Variants in SACS observed in about 807,000 individuals in gnomAD.
SACS encodes sacsin.
A neutral mutation model predicts 348.0 loss-of-function variants in SACS; 197 were observed. The ratio of observed to expected loss-of-function variants is 0.57; its 90% confidence interval spans 0.50 to 0.64. SACS has a LOEUF of 0.64. Ranked by LOEUF, SACS falls within the 30% of genes least tolerant of loss-of-function variation. The pLI, the probability that SACS is intolerant of heterozygous loss-of-function variation, is 0.00. For synonymous variants in SACS, 1,985 were observed against 1,910.6 expected, an observed-to-expected ratio of 1.04 and a Z score of -1.02; for missense variants, 4,999 against 5,360.8, an observed-to-expected ratio of 0.93 and a Z score of 2.11.
intron 1 of SACS, among the ~76,000 whole-genome samples, chr13:23,431,352 G>C (rs1217150392): frequency 2.0e-5 from 3 of 152,182 alleles, no homozygotes; most frequent in South Asian, 2.1e-4. Flanking sequence ...TCCCAACTTC[G>C]CTATGTTCCC....
chr13:23,390,619 A>T (rs1593168961), intron 2 of SACS, among the ~76,000 whole-genome samples: 1 of 152,344 alleles, frequency 6.6e-6, no homozygotes, highest in East Asian at 1.9e-4. Context: ...CCATGATCAT[A>T]CCACCACACT....
rs1476159654 is a variant in SACS at position 23,371,208 on chromosome 13, T to C, written c.172-43A>G. Reference sequence around the variant, plus strand: ...AAAATGTATGAAAAGCAATACAGTCTCTAATACTGTAAATTCAAGACATTA... The same window carrying C: ...AAAATGTATGAAAAGCAATACAGTCCCTAATACTGTAAATTCAAGACATTA... On this transcript the variant is annotated intron_variant, in intron 3 of 9. Coordinates refer to ENST00000382292, the MANE Select transcript of SACS (RefSeq NM_014363.6). 4 of 1,201,810 alleles carry C rather than the reference T, an allele frequency of 3.3e-6. No individual in the cohort carries two copies. The Admixed American group carries it at 6.1e-5, about 18-fold the overall frequency. 74.4% of individuals were successfully genotyped at this position (1,201,810 alleles called of 1,614,324 possible). A position where few individuals can be genotyped will look rare whatever the true frequency, so the allele number is the denominator to read the frequency against.
rs754197452 is a variant in SACS, at chr13:23,332,959, C to G, written c.10917G>C (p.Leu3639Phe). The G allele has an allele frequency of 6.2e-7, 1 of 1,613,882 alleles. No homozygotes were observed. ...GTTCTTTCAGAAAATTTCCAGATAACAAATCCATTCGTTCTTGGAATATAT... is the reference window on the plus strand; with the variant it reads ...GTTCTTTCAGAAAATTTCCAGATAAGAAATCCATTCGTTCTTGGAATATAT... Reference protein sequence around the residue: ...LHHIFQERMDLLSGNFLKELS... With the variant: ...LHHIFQERMDFLSGNFLKELS... The change falls in exon 10 of 10, where the codon TTG becomes TTC. Residue 3639 changes from leucine (L) to phenylalanine (F), a missense_variant. Physicochemically the swap from Leu to Phe is conservative, Grantham distance 22. Coordinates refer to ENST00000382292, the MANE Select transcript of SACS (RefSeq NM_014363.6).
chr13:23,384,504 G>A (rs1872192248), intron 2 of SACS, among the ~76,000 whole-genome samples: 1 of 152,156 alleles, frequency 6.6e-6, no homozygotes, highest in African/African-American at 2.4e-5. Context: ...TTTCTGTTTT[G>A]TGTTCATTTC....
At position 23,337,264 on chromosome 13, in the gene SACS, C is replaced by G; in HGVS notation, c.6612G>C (p.Lys2204Asn). 1.2e-6 allele frequency: 2 copies of G among 1,613,752 alleles called. No individual in the cohort carries two copies. Among genetic ancestry groups the G allele is most frequent in the Non-Finnish European group, 1.7e-6 (2 of 1,179,860 alleles). The change falls in exon 10 of 10, where the codon AAG becomes AAC. Residue 2204 changes from lysine (K) to asparagine (N), a missense_variant. Lys to Asn is a moderately conservative substitution (Grantham distance 94). Coordinates refer to ENST00000382292, the MANE Select transcript of SACS (RefSeq NM_014363.6). ...TTGTTTGATATTTTGCAGCAAAATC[C>G]TTTGCTCTAGGATCCCTTATTTTTA... is the stretch of plus-strand genomic sequence containing the variant. ...EKLKIRDPRA[K>N]DFAAKYQTIR... is the part of the protein sequence containing the mutation.
chr13:23,338,864 G>A lies in SACS; in HGVS notation c.5012C>T (p.Ser1671Phe), dbSNP rs765011393. The change falls in exon 10 of 10, where the codon TCT (serine) becomes TTT (phenylalanine). Residue 1671 changes from serine (S) to phenylalanine (F), a missense_variant. Ser to Phe is a radical substitution (Grantham distance 155). Coordinates refer to ENST00000382292, the MANE Select transcript of SACS (RefSeq NM_014363.6). ...STCYNTADIY[S>F]LVDEFSLCGH... is the part of the protein sequence containing the mutation. The stretch of plus-strand genomic sequence containing the variant: ...ACAGAGACTAAATTCATCCACAAGA[G>A]AATAAATATCTGCTGTATTGTAGCA... The A allele has an allele frequency of 7.4e-6, 12 of 1,612,902 alleles. No homozygotes were observed. The highest frequency in any genetic ancestry group is 1.7e-5 in the Admixed American group (1 of 59,934).
chr13:23,363,567 T>C (rs1157995379), intron 6 of SACS, among the ~76,000 whole-genome samples: 1 of 152,224 alleles, frequency 6.6e-6, no homozygotes, highest in African/African-American at 2.4e-5. Flanking sequence ...AGCCTATCTC[T>C]AAATATACCT....
At chr13:23,397,516 T>C (rs1321810475) in intron 2 of SACS, among the ~76,000 whole-genome samples, 1 of 152,208 alleles carries the variant, frequency 6.6e-6, no homozygotes, top group Non-Finnish European at 1.5e-5. Flanking sequence ...GATCTGCTCT[T>C]AGTAACATAT....
chr13:23,404,659 C>T (rs929380688), intron 2 of SACS, among the ~76,000 whole-genome samples: 2 of 152,090 alleles, frequency 1.3e-5, no homozygotes, highest in African/African-American at 2.4e-5. Context: ...GACATGATTG[C>T]ATATTTAGAA....
chr13:23,431,079 A>G (rs758855795), intron 1 of SACS, among the ~76,000 whole-genome samples: 2 of 152,222 alleles, frequency 1.3e-5, no homozygotes, highest in Admixed American at 6.5e-5. Context: ...GCATTTTGTA[A>G]TCTGCAAAAT....
rs768059465 is a variant in SACS, at chr13:23,357,826, A to G, written c.604+509T>C. Among the ~76,000 whole-genome samples the G allele has an allele frequency of 3.3e-5, 5 of 152,242 alleles. 1 individual carries two copies. The highest frequency in any genetic ancestry group is 4.1e-4 in the South Asian group (2 of 4,836). On this transcript the variant is annotated intron_variant, in intron 7 of 9. Transcript: ENST00000382292. ...TTTCAAAGTAATCTTTAGAATGCTT[A>G]TAAGTCTAAAAAGAGTAGAATGAGG... is the stretch of plus-strand genomic sequence containing the variant.
intron 2 of SACS, among the ~76,000 whole-genome samples, chr13:23,377,157 A>G (rs1871846544): frequency 6.6e-6 from 1 of 152,158 alleles, no homozygotes; most frequent in South Asian, 2.1e-4. Flanking sequence ...GGCAGTGCTA[A>G]TGGGTGTGGG....
chr13:23,419,943 T>A (rs888381312), intron 1 of SACS, among the ~76,000 whole-genome samples: 2 of 152,188 alleles, frequency 1.3e-5, no homozygotes, highest in African/African-American at 4.8e-5. Flanking sequence ...TGGAACCTGA[T>A]GTCACTCTGG....
In SACS at chr13:23,339,406, T is replaced by A; in HGVS notation, c.4470A>T (p.Ala1490=). The A allele has an allele frequency of 2.5e-6, 4 of 1,611,334 alleles. No individual in the cohort carries two copies. Among genetic ancestry groups the A allele is most frequent in the Non-Finnish European group, 3.4e-6 (4 of 1,179,008 alleles). The part of the protein sequence containing the change: ...ELLQNADDAN[A]TECSFLIDMR... ...TATCAATCAAGAAACTGCATTCTGT[T>A]GCATTTGCATCATCAGCGTTTTGAA... Residue 1490 remains alanine (A), a synonymous_variant, in exon 10 of 10, where the codon GCA becomes GCT. Transcript: ENST00000382292.
Position 23,355,405 on chromosome 13 carries a change from T to C in SACS, c.1207A>G (p.Ile403Val), listed in dbSNP as rs1870296996. Residue 403 changes from isoleucine to valine, a missense_variant, in exon 8 of 10, where the codon ATC becomes GTC. By Grantham distance (29) the Ile-to-Val change is conservative. Around this residue, in one of 6 missense-constraint regions of SACS, gnomAD observed 3,156 missense variants for 3,380.1 expected, o/e 0.93. Transcript: ENST00000382292. ...GCTAAAGAGTCAAGCTTACTACTGA[T>C]CCCTCGCCCACCCACACTGTTACAC... ...LVCNSVGGRGISSKLDSLADE... is the reference protein window; with the variant it reads ...LVCNSVGGRGVSSKLDSLADE... 2 of 1,614,032 alleles carry C rather than the reference T, an allele frequency of 1.2e-6. No individual in the cohort carries two copies. Among genetic ancestry groups the C allele is most frequent in the Admixed American group, 1.7e-5 (1 of 60,000 alleles).
rs77886100 is a variant in SACS, at chr13:23,432,508, G to C, written c.-502+1107C>G. On this transcript the variant is annotated intron_variant, in intron 1 of 9. Coordinates refer to ENST00000382292, the MANE Select transcript of SACS (RefSeq NM_014363.6). Reference sequence around the variant, plus strand: ...AGCCCAAAGTGAGGCTTCAGGGCAAGATTAGGGAAGGCAGTCTGGATGGTC... The same window carrying C: ...AGCCCAAAGTGAGGCTTCAGGGCAACATTAGGGAAGGCAGTCTGGATGGTC... Among the ~76,000 whole-genome samples, 8 of 152,324 alleles carry C rather than the reference G, an allele frequency of 5.3e-5. No homozygotes were observed. In the East Asian group the frequency reaches 1.3e-3, roughly 26 times the overall value.
At chr13:23,409,256 T>C (rs61948391) in intron 2 of SACS, among the ~76,000 whole-genome samples, 81,993 of 148,522 alleles carry the variant, frequency 0.55, 22,780 homozygotes, top group East Asian at 0.78. Flanking sequence ...AAGGTTTCAC[T>C]GTGTTAGCCA....
intron 2 of SACS, among the ~76,000 whole-genome samples, chr13:23,407,814 C>G (rs1593176972): frequency 1.3e-5 from 2 of 152,218 alleles, no homozygotes; most frequent in East Asian, 1.9e-4. Flanking sequence ...CAAGTCAGTT[C>G]AGACAGAATC....
At position 23,336,543 on chromosome 13, in the gene SACS, C is replaced by T. The variant is rs564734108; in HGVS notation, c.7333G>A (p.Glu2445Lys). The change falls in exon 10 of 10, where the codon GAG becomes AAG. Residue 2445 changes from glutamate (E) to lysine (K), a missense_variant. By Grantham distance (56) the Glu-to-Lys change is moderately conservative. Around this residue, in one of 6 missense-constraint regions of SACS, gnomAD observed 3,156 missense variants for 3,380.1 expected, o/e 0.93. Coordinates refer to ENST00000382292, the MANE Select transcript of SACS (RefSeq NM_014363.6). ...LIREKKQEFC[E>K]KNYGKILLPD... Reference sequence around the variant, plus strand: ...AATAATATCTTGCCATAATTTTTCTCACAAAATTCTTGTTTCTTTTCTCTA... The same window carrying T: ...AATAATATCTTGCCATAATTTTTCTTACAAAATTCTTGTTTCTTTTCTCTA... The T allele has an allele frequency of 6.2e-7, 1 of 1,613,812 alleles. No individual in the cohort carries two copies. Among genetic ancestry groups the T allele is most frequent in the South Asian group, 1.1e-5 (1 of 91,066 alleles).
Sources: gnomAD v4.1 joint callset for allele counts (sites outside exome capture counted in the v4.1 genomes callset) on GRCh38, gnomAD v4.1.1 for gene constraint, gnomAD v4.1.1 regional missense constraint, MANE v1.5 for transcripts, NCBI Gene and HGNC (gene_info 2026-07-23, HGNC 2026-07-21) for gene names.